The following SYBU variants were observed in gnomAD, a reference collection of about 807,000 sequenced individuals.
SYBU encodes GOLSYN A protein.
Under a neutral mutation model 35.9 loss-of-function variants are expected in SYBU, and 21 were observed. That is an observed-to-expected ratio of 0.58 (90% CI 0.41 to 0.84). The LOEUF is 0.84. SYBU is among the 40% of genes least tolerant of loss of function. SYBU has a pLI of 0.00. For synonymous variants in SYBU, 319 were observed against 324.3 expected (o/e 0.98, Z 0.18); for missense variants, 768 against 848.2 (o/e 0.91, Z 1.17).
chr8:109,688,120 T>C (rs1272483324), intron 1 of SYBU, among the ~76,000 whole-genome samples: 1 of 152,222 alleles, frequency 6.6e-6, no homozygotes, highest in Non-Finnish European at 1.5e-5. Context: ...CATGGATGTC[T>C]TTTATAAAGC....
chr8:109,626,390 A>AT (rs1431117418), intron 2 of SYBU, among the ~76,000 whole-genome samples: 1 of 152,208 alleles, frequency 6.6e-6, no homozygotes, highest in African/African-American at 2.4e-5. Context: ...TCTGGAATCC[A>AT]TTTTAAAATA....
Position 109,656,445 on chromosome 8 carries a change from A to C in SYBU, c.-129+24266T>G, listed in dbSNP as rs539560233. Among the ~76,000 whole-genome samples the C allele has an allele frequency of 5.3e-5, 8 of 152,338 alleles. 1 individual carries two copies. The South Asian group carries it at 1.7e-3, about 32-fold the overall frequency. ...TGTTGAGTATGGGGAATAAATATAG[A>C]ATTAAGAATCTTCTGTTTGTCATTT... On this transcript the variant is annotated intron_variant, in intron 1 of 5. Transcript: ENST00000408889.
At chr8:109,582,541 GAA>G (rs1823156172) in intron 4 of SYBU, among the ~76,000 whole-genome samples, 1 of 152,156 alleles carries the variant, frequency 6.6e-6, no homozygotes, top group South Asian at 2.1e-4. Context: ...CTACAAACCT[GAA>G]TACGTAACTA....
intron 5 of SYBU, among the ~76,000 whole-genome samples, chr8:109,579,285 T>C (rs1822728871): frequency 6.6e-6 from 1 of 152,198 alleles, no homozygotes; most frequent in East Asian, 1.9e-4. Context: ...ATTAACTTGT[T>C]GCTTGCTCTT....
In SYBU at chr8:109,631,500, G is replaced by T. The variant is rs1413007581; in HGVS notation, c.229+11228C>A. On this transcript the variant is annotated intron_variant, in intron 2 of 6. Transcript: ENST00000276646. ...GCAGTAAAGGAGGATGCAGGGCCAG[G>T]TGAGGTAAGCTCCATTTCTGCAGAA... Among the ~76,000 whole-genome samples the T allele has an allele frequency of 3.3e-5, 5 of 152,212 alleles. No individual in the cohort carries two copies. The East Asian group carries it at 9.6e-4, about 29-fold the overall frequency.
At chr8:109,593,499 A>G (rs1163072452) in intron 3 of SYBU, among the ~76,000 whole-genome samples, 2 of 152,196 alleles carry the variant, frequency 1.3e-5, no homozygotes, top group Non-Finnish European at 1.5e-5. Flanking sequence ...AAACTGGGCC[A>G]GTTCCAGCCA....
chr8:109,685,572 T>C (rs1817502030), upstream of SYBU, among the ~76,000 whole-genome samples: 1 of 152,216 alleles, frequency 6.6e-6, no homozygotes. Context: ...CTTTGTGTTG[T>C]TGTTATTTTA....
At chr8:109,678,130 A>C (rs13277814) in intron 1 of SYBU, among the ~76,000 whole-genome samples, 1 of 96,390 alleles carries the variant, frequency 1.0e-5, no homozygotes, top group Admixed American at 1.1e-4. Context: ...GCGAAACTCC[A>C]CCTCAAAAAA....
chr8:109,575,445 C>T lies in SYBU; in HGVS notation c.1453G>A (p.Glu485Lys). The change falls in exon 7 of 7, where the codon GAG becomes AAG. Residue 485 changes from glutamate (E) to lysine (K), a missense_variant. Glu to Lys is a moderately conservative substitution (Grantham distance 56). Transcript: ENST00000276646. Reference protein sequence around the residue: ...MGQEEGSVVVERAVQTDVVPY... With the variant: ...MGQEEGSVVVKRAVQTDVVPY... ...ACCACGTCGGTCTGAACGGCTCGCT[C>T]CACCACCACACTGCCCTCCTCCTGA... The T allele has an allele frequency of 6.2e-7, 1 of 1,614,110 alleles. No homozygotes were observed. The highest frequency in any genetic ancestry group is 1.1e-5 in the South Asian group (1 of 91,080).
At chr8:109,633,115 A>G (rs372495182) in intron 2 of SYBU, among the ~76,000 whole-genome samples, 10 of 152,264 alleles carry the variant, frequency 6.6e-5, no homozygotes, top group Admixed American at 6.5e-4. Context: ...TGTATATTTT[A>G]TAACAGATAA....
At chr8:109,649,585 T>C (rs1191651253), upstream of SYBU, among the ~76,000 whole-genome samples, 5 of 151,880 alleles carry the variant, frequency 3.3e-5, no homozygotes, top group East Asian at 7.7e-4. Flanking sequence ...GAGGCAGAGG[T>C]TGGGGGCTTG....
Position 109,661,133 on chromosome 8 carries a change from C to T in SYBU, c.-129+19578G>A, listed in dbSNP as rs143824724. 5.5e-3 allele frequency among the ~76,000 whole-genome samples: 831 copies of T among 152,238 alleles called. 7 individuals carry two copies. The highest frequency in any genetic ancestry group is 0.019 in the African/African-American group (795 of 41,542). On this transcript the variant is annotated intron_variant, in intron 1 of 5. Coordinates refer to the SYBU transcript ENST00000408889. ...AGATTTTGGACAGAAGTGTGTGCAC[C>T]ATACAGTGTGTAAATACAGTAATCT...
In SYBU at chr8:109,574,634, A is replaced by C; in HGVS notation, c.*272T>G. 1 of 337,954 alleles carries C rather than the reference A, an allele frequency of 3.0e-6. No individual in the cohort carries two copies. Among genetic ancestry groups the C allele is most frequent in the Non-Finnish European group, 5.3e-6 (1 of 187,256 alleles). 20.9% of individuals were successfully genotyped at this position (337,954 alleles called of 1,614,324 possible). A position where few individuals can be genotyped will look rare whatever the true frequency, so the allele number is the denominator to read the frequency against. On this transcript the variant is annotated 3_prime_UTR_variant, in exon 7 of 7. Transcript: ENST00000276646. ...CTGCGTTTTCTCTTCCTGAACCACT[A>C]GGATAAGAACGGGTACCTCAGACGA...
chr8:109,662,618 G>A (rs191075649), intron 1 of SYBU, among the ~76,000 whole-genome samples: 14 of 152,266 alleles, frequency 9.2e-5, no homozygotes, highest in Admixed American at 2.6e-4. Context: ...TCTAACATTA[G>A]TGTAGGATTT....
chr8:109,685,825 C>CA (rs1278265213), upstream of SYBU, among the ~76,000 whole-genome samples: 1 of 151,940 alleles, frequency 6.6e-6, no homozygotes, highest in African/African-American at 2.4e-5. Context: ...TAATAAAAGT[C>CA]AGAGACAAAG....
chr8:109,687,840 C>A (rs1166788649), intron 1 of SYBU, among the ~76,000 whole-genome samples: 1 of 152,112 alleles, frequency 6.6e-6, no homozygotes, highest in Non-Finnish European at 1.5e-5. Flanking sequence ...GAGTTCACAT[C>A]TACTCTCAAT....
rs142578497 is a variant in SYBU, at chr8:109,619,230, C to CTT, written c.230-193_230-192dup. ...ATTTTTCCATATTTTAATGCAAAAC[C>CTT]TTTTTTTTTTTTTGAGACAGTCTCA... On this transcript the variant is annotated intron_variant, in intron 2 of 6. Coordinates refer to ENST00000276646, the MANE Select transcript of SYBU (RefSeq NM_001099754.2). 2.8e-3 allele frequency among the ~76,000 whole-genome samples: 409 copies of CTT among 145,176 alleles called. 3 individuals carry two copies. Among genetic ancestry groups the CTT allele is most frequent in the African/African-American group, 9.6e-3 (380 of 39,634 alleles).
intron 1 of SYBU, among the ~76,000 whole-genome samples, chr8:109,660,987 G>C (rs1432509968): frequency 6.6e-6 from 1 of 152,160 alleles, no homozygotes; most frequent in Non-Finnish European, 1.5e-5. Flanking sequence ...AAGATAAGCA[G>C]GAGAAGGTTG....
intron 1 of SYBU, among the ~76,000 whole-genome samples, chr8:109,672,485 T>A (rs931046678): frequency 6.6e-6 from 1 of 152,202 alleles, no homozygotes; most frequent in African/African-American, 2.4e-5. Flanking sequence ...CCATAAGGAA[T>A]GGTGCATTGA....
Sources: allele counts gnomAD v4.1 joint callset (sites outside exome capture counted in the v4.1 genomes callset), GRCh38; gene constraint gnomAD v4.1.1; transcripts MANE v1.5; gene names NCBI Gene and HGNC (gene_info 2026-07-23, HGNC 2026-07-21).